SIGMAR1: variants seen among roughly 807,000 people sequenced by gnomAD.
SIGMAR1 encodes the protein sigma non-opioid intracellular receptor 1.
A neutral mutation model predicts 25.4 loss-of-function variants in SIGMAR1; 18 were observed. That is an observed-to-expected ratio of 0.71 (90% CI 0.49 to 1.05). SIGMAR1 has a LOEUF of 1.05. SIGMAR1 is among the 50% of genes least tolerant of loss of function. The pLI is 0.00. For missense variants in SIGMAR1, 249 were observed against 301.6 expected (o/e 0.83, Z 1.29); for synonymous variants, 125 against 131.6 (o/e 0.95, Z 0.34).
At chr9:34,637,475 G>C (rs1397086650) in intron 1 of SIGMAR1, 55 bp from the exon 2 acceptor site, 2 of 1,583,808 alleles carry the variant, frequency 1.3e-6, no homozygotes, top group African/African-American at 2.7e-5. Context: ...CTAGGTCCGG[G>C]GATGGCGCCT....
intron 2 of SIGMAR1, 48 bp downstream of exon 2, chr9:34,637,172 C>A (rs1213797560): frequency 1.3e-6 from 2 of 1,572,130 alleles, no homozygotes; most frequent in Admixed American, 3.7e-5. Context: ...AGGGCATGGG[C>A]CCCTTTACAA....
In SIGMAR1 at chr9:34,635,841, C is replaced by T. The variant is rs200076129; in HGVS notation, c.463G>A (p.Gly155Arg). 2.8e-5 allele frequency: 45 copies of T among 1,613,920 alleles called. 1 individual carries two copies. The highest frequency in any genetic ancestry group is 8.3e-5 in the Admixed American group (5 of 60,012). ...TCCACAGCTGTTGCCTCACCAGGCC[C>T]GTGTACTACCGTCTCCCCTGGGGGA... ...VFYPGETVVH[G>R]PGEATAVEWG... is the part of the protein sequence containing the mutation. Residue 155 changes from glycine to arginine, a missense_variant, in exon 4 of 4, where the codon GGG becomes AGG. Coordinates refer to ENST00000277010, the MANE Select transcript of SIGMAR1 (RefSeq NM_005866.4). The surrounding 1 kb of genome is among the most constrained non-coding windows in gnomAD (Gnocchi z 4.5).
rs1564095863 is a variant in SIGMAR1, at chr9:34,636,983, G to GC, written c.445+13dup. 6.2e-7 allele frequency: 1 copy of GC among 1,608,362 alleles called. No homozygotes were observed. The highest frequency in any genetic ancestry group is 2.2e-5 in the East Asian group (1 of 44,852). On this transcript the variant is annotated intron_variant, in intron 3 of 3. Transcript: ENST00000277010. ...TGAAGGGACCCACTTCTCTGACAGA[G>GC]CCTTCTTACCCACCTGGGTAGAAGA...
intron 3 of SIGMAR1, chr9:34,636,739 G>C (rs1820879188): frequency 5.2e-6 from 3 of 571,580 alleles, no homozygotes; most frequent in South Asian, 4.0e-5. Flanking sequence ...AATACTGTCT[G>C]GGCAAAATTG....
At chr9:34,636,195 G>A (rs1473140330) in intron 3 of SIGMAR1, among the ~76,000 whole-genome samples, 1 of 151,872 alleles carries the variant, frequency 6.6e-6, no homozygotes, top group Non-Finnish European at 1.5e-5. Context: ...GGTAGTTCCA[G>A]GACTTGTGAG....
Position 34,637,766 on chromosome 9 carries a change from T to A in SIGMAR1, c.-69A>T. The A allele has an allele frequency of 8.5e-7, 1 of 1,172,684 alleles. No individual in the cohort carries two copies. Among genetic ancestry groups the A allele is most frequent in the Non-Finnish European group, 1.1e-6 (1 of 892,302 alleles). The allele number at this position is 1,172,684 out of a possible 1,614,324, so 72.6% of individuals were successfully genotyped here. On this transcript the variant is annotated 5_prime_UTR_variant, in exon 1 of 4. Transcript: ENST00000277010. Reference sequence around the variant, plus strand: ...GGCCTGAGGCTTTGCGCTCACGGCCTCGGAGCCCGCCGGCTGCCCACGAAG... The same window carrying A: ...GGCCTGAGGCTTTGCGCTCACGGCCACGGAGCCCGCCGGCTGCCCACGAAG...
chr9:34,637,471 C>T, intron 1 of SIGMAR1, 51 bp from the exon 2 acceptor site: 2 of 1,584,432 alleles, frequency 1.3e-6, no homozygotes, highest in Non-Finnish European at 1.7e-6. Flanking sequence ...GGTCCTAGGT[C>T]CGGGGATGGC....
chr9:34,637,555 T>C lies in SIGMAR1; in HGVS notation c.143A>G (p.Gln48Arg). 6.3e-7 allele frequency: 1 copy of C among 1,584,274 alleles called. No individual in the cohort carries two copies. The highest frequency in any genetic ancestry group is 1.1e-5 in the South Asian group (1 of 88,048). ...QREEIAQLAR[Q>R]YAGLDHELAF... ...GCCCTCTGCCCGCTCACCAGCGTAC[T>C]GCCGCGCCAACTGCGCTATCTCTTC... The change falls in exon 1 of 4, where the codon CAG (glutamine) becomes CGG (arginine). Residue 48 changes from glutamine to arginine, a missense_variant. By Grantham distance (43) the Gln-to-Arg change is conservative. Coordinates refer to ENST00000277010, the MANE Select transcript of SIGMAR1 (RefSeq NM_005866.4).
At chr9:34,636,878 G>A (rs1457103654) in intron 3 of SIGMAR1, 119 bp downstream of exon 3, 9 of 821,968 alleles carry the variant, frequency 1.1e-5, no homozygotes, top group Admixed American at 2.0e-5. Context: ...GGAGGGTGGA[G>A]GAAGGGAACC....
rs1406092949 is a variant in SIGMAR1 at position 34,637,639 on chromosome 9, G to A, written c.59C>T (p.Ala20Val). 1 of 1,538,512 alleles carries A rather than the reference G, an allele frequency of 6.5e-7. No individual in the cohort carries two copies. Among genetic ancestry groups the A allele is most frequent in the East Asian group, 2.4e-5 (1 of 40,978 alleles). ...GAGCCAGACGACCTGGGTCAGCACC[G>A]CTGCGACAGCCAGGAGCAGCGCGGC... ...AWAALLLAVAAVLTQVVWLWL... is the reference protein window; with the variant it reads ...AWAALLLAVAVVLTQVVWLWL... Residue 20 changes from alanine (A) to valine (V), a missense_variant, in exon 1 of 4, where the codon GCG (alanine) becomes GTG (valine). Ala to Val is a moderately conservative substitution (Grantham distance 64). Transcript: ENST00000277010.
chr9:34,636,318 TAAA>T (rs764614552), intron 3 of SIGMAR1, among the ~76,000 whole-genome samples: 5,872 of 119,686 alleles, frequency 0.049, 159 homozygotes, highest in South Asian at 0.12. Flanking sequence ...GTTTCACTAT[TAAA>T]AAAAAAAAAA....
chr9:34,635,913 G>A lies in SIGMAR1; in HGVS notation c.446-55C>T. 10 of 1,608,958 alleles carry A rather than the reference G, an allele frequency of 6.2e-6. No homozygotes were observed. Among genetic ancestry groups the A allele is most frequent in the Non-Finnish European group, 8.5e-6 (10 of 1,179,096 alleles). ...GCCAGCTCTGCCCTGCCCTTCCATG[G>A]CTGCTGCTTCCCTGGCCCATGGACT... On this transcript the variant is annotated intron_variant, in intron 3 of 3. Transcript: ENST00000277010. This position sits in a 1 kb window ranked among gnomAD's most constrained non-coding sequence, Gnocchi z 4.5.
Position 34,637,192 on chromosome 9 carries a change from C to T in SIGMAR1, c.352+28G>A, listed in dbSNP as rs551005174. On this transcript the variant is annotated intron_variant, in intron 2 of 3. Coordinates refer to ENST00000277010, the MANE Select transcript of SIGMAR1 (RefSeq NM_005866.4). ...ATGGGCCCCTTTACAACCCCAGCCT[C>T]CCAGTCTGGCCCGCCGCTAGCACTG... is the stretch of plus-strand genomic sequence containing the variant. The T allele has an allele frequency of 4.5e-5, 70 of 1,545,182 alleles. No homozygotes were observed. The South Asian group carries it at 7.3e-4, about 16-fold the overall frequency.
Position 34,637,228 on chromosome 9 carries a change from C to A in SIGMAR1, c.344G>T (p.Gly115Val), listed in dbSNP as rs1241574813. 1.3e-5 allele frequency: 20 copies of A among 1,558,428 alleles called. No individual in the cohort carries two copies. The highest frequency in any genetic ancestry group is 1.7e-5 in the Non-Finnish European group (20 of 1,156,356). Residue 115 changes from glycine to valine, a missense_variant, in exon 2 of 4, where the codon GGC becomes GTC. Transcript: ENST00000277010. ...CCGCCGCTAGCACTGACCCGAGTGGCCGCGGGAGCCCAAGGCGGTGCCGAA... is the reference window on the plus strand; with the variant it reads ...CCGCCGCTAGCACTGACCCGAGTGGACGCGGGAGCCCAAGGCGGTGCCGAA... The part of the protein sequence containing the change: ...LLFGTALGSR[G>V]HSGRYWAEIS...
chr9:34,635,542 C>A lies in SIGMAR1; in HGVS notation c.*90G>T, dbSNP rs1820813776. ...AACTCAGGATCTGCATGGTGTATGTCCCTGTCTGTAAACATGGGCTCCAGC... is the reference window on the plus strand; with the variant it reads ...AACTCAGGATCTGCATGGTGTATGTACCTGTCTGTAAACATGGGCTCCAGC... On this transcript the variant is annotated 3_prime_UTR_variant, in exon 4 of 4. Coordinates refer to ENST00000277010, the MANE Select transcript of SIGMAR1 (RefSeq NM_005866.4). The surrounding 1 kb of genome is among the most constrained non-coding windows in gnomAD (Gnocchi z 4.5). 1.3e-6 allele frequency: 2 copies of A among 1,571,202 alleles called. No homozygotes were observed. The highest frequency in any genetic ancestry group is 1.2e-5 in the South Asian group (1 of 86,454).
In SIGMAR1 at chr9:34,635,307, T is replaced by C. The variant is rs1587224423; in HGVS notation, c.*325A>G. ...GAGGAGGTGGGAAGCTGTGGAGCTA[T>C]GGAAAGGCCTCAGTTAGTGAGTCAA... is the stretch of plus-strand genomic sequence containing the variant. On this transcript the variant is annotated 3_prime_UTR_variant, in exon 4 of 4. Coordinates refer to ENST00000277010, the MANE Select transcript of SIGMAR1 (RefSeq NM_005866.4). This position sits in a 1 kb window ranked among gnomAD's most constrained non-coding sequence, Gnocchi z 4.5. The C allele has an allele frequency of 2.5e-6, 1 of 394,498 alleles. No homozygotes were observed. 24.4% of individuals were successfully genotyped at this position (394,498 alleles called of 1,614,324 possible).
At position 34,637,263 on chromosome 9, in the gene SIGMAR1, A is replaced by G; in HGVS notation, c.309T>C (p.Tyr103=). The change falls in exon 2 of 4, where the codon TAT becomes TAC. Residue 103 remains tyrosine (Y), a synonymous_variant. Transcript: ENST00000277010. ...CCAAGGCGGTGCCGAAGAGCAGCAC[A>G]TACTCGGACAGCGAGGCGTGCAGAA... is the stretch of plus-strand genomic sequence containing the variant. ...MCLLHASLSE[Y]VLLFGTALGS... The G allele has an allele frequency of 6.4e-7, 1 of 1,570,208 alleles. No homozygotes were observed.
chr9:34,635,923 C>G lies in SIGMAR1; in HGVS notation c.446-65G>C. 1 of 1,605,208 alleles carries G rather than the reference C, an allele frequency of 6.2e-7. No homozygotes were observed. Among genetic ancestry groups the G allele is most frequent in the South Asian group, 1.1e-5 (1 of 90,472 alleles). On this transcript the variant is annotated intron_variant, in intron 3 of 3. Transcript: ENST00000277010. The surrounding 1 kb of genome is among the most constrained non-coding windows in gnomAD (Gnocchi z 4.5). ...CCCTGCCCTTCCATGGCTGCTGCTT[C>G]CCTGGCCCATGGACTAACTAGGGGT...
Position 34,637,400 on chromosome 9 carries a change from A to C in SIGMAR1, c.172T>G (p.Phe58Val). 6.2e-7 allele frequency: 1 copy of C among 1,604,898 alleles called. No homozygotes were observed. The highest frequency in any genetic ancestry group is 8.5e-7 in the Non-Finnish European group (1 of 1,179,590). The change falls in exon 2 of 4, where the codon TTC (phenylalanine) becomes GTC (valine). Residue 58 changes from phenylalanine to valine, a missense_variant. Transcript: ENST00000277010. The part of the protein sequence containing the change: ...QYAGLDHELA[F>V]SRLIVELRRL... ...CGCAGCTCCACGATCAGACGAGAGA[A>C]GGCCAGCTCGTGGTCCAGCCCTGGC...
Sources: allele counts gnomAD v4.1 joint callset (sites outside exome capture counted in the v4.1 genomes callset), GRCh38; gene constraint gnomAD v4.1.1; non-coding constraint Gnocchi (gnomAD v3.1); transcripts MANE v1.5; gene names NCBI Gene and HGNC (gene_info 2026-07-23, HGNC 2026-07-21).